The following BIRC6 variants were observed in gnomAD, a reference collection of about 807,000 sequenced individuals.
The protein encoded by BIRC6 is baculoviral IAP repeat containing 6, also known as dual E2 ubiquitin-conjugating enzyme/E3 ubiquitin-protein ligase BIRC6.
BIRC6 carries 98 observed loss-of-function variants against 503.3 expected under a neutral mutation model. The observed-to-expected ratio is 0.19, with a 90% CI of 0.17 to 0.23. The LOEUF is 0.23. BIRC6 is among the 10% of genes least tolerant of loss of function. The probability of loss-of-function intolerance (pLI) is 1.00; values close to 1 mark genes in which losing one functional copy is unlikely to be tolerated. For synonymous variants in BIRC6, 2,240 were observed against 2,078.7 expected, an observed-to-expected ratio of 1.08 and a Z score of -2.11; for missense variants, 5,360 against 5,806.0, an observed-to-expected ratio of 0.92 and a Z score of 2.50.
At chr2:32,370,591 A>G (rs1016878260) in intron 1 of BIRC6, among the ~76,000 whole-genome samples, 3 of 152,186 alleles carry the variant, frequency 2.0e-5, no homozygotes, top group East Asian at 1.9e-4. Flanking sequence ...TTTTAATACT[A>G]TAGTGTTACT....
At position 32,560,297 on chromosome 2, in the gene BIRC6, A is replaced by G. The variant is rs368394698; in HGVS notation, c.13144+10816A>G. 3.3e-5 allele frequency among the ~76,000 whole-genome samples: 5 copies of G among 152,108 alleles called. No individual in the cohort carries two copies. In the East Asian group the frequency reaches 7.7e-4, roughly 23 times the overall value. On this transcript the variant is annotated intron_variant, in intron 65 of 73. Coordinates refer to ENST00000421745, the MANE Select transcript of BIRC6 (RefSeq NM_016252.4). ...AAGATTTTTGTAAAATAAACACACA[A>G]TTTTATCTCTCACATTTTTTGGACT... is the stretch of plus-strand genomic sequence containing the variant.
intron 65 of BIRC6, among the ~76,000 whole-genome samples, chr2:32,555,225 G>C (rs1286411803): frequency 6.6e-6 from 1 of 152,084 alleles, no homozygotes; most frequent in Non-Finnish European, 1.5e-5. Flanking sequence ...TTAATAAAGA[G>C]TCTGGGAGCT....
At chr2:32,544,827 C>T (rs1559020945) in intron 62 of BIRC6, among the ~76,000 whole-genome samples, 2 of 151,758 alleles carry the variant, frequency 1.3e-5, no homozygotes, top group African/African-American at 4.8e-5. Flanking sequence ...CAGGTGTCAA[C>T]TGTATTTATT....
chr2:32,596,952 T>G (rs2151451383), intron 68 of BIRC6, among the ~76,000 whole-genome samples: 1 of 152,336 alleles, frequency 6.6e-6, no homozygotes, highest in East Asian at 1.9e-4. Flanking sequence ...TTCATTAATG[T>G]TAGCTAGCTA....
chr2:32,455,225 A>G (rs2047110916), intron 23 of BIRC6, among the ~76,000 whole-genome samples: 2 of 151,662 alleles, frequency 1.3e-5, no homozygotes, highest in South Asian at 4.2e-4. Context: ...AAAAAATACA[A>G]AAAAAATTAG....
chr2:32,443,894 C>T (rs1176021850), intron 20 of BIRC6, among the ~76,000 whole-genome samples: 1 of 152,118 alleles, frequency 6.6e-6, no homozygotes, highest in South Asian at 2.1e-4. Flanking sequence ...AGATCAGATG[C>T]CAGAAACCAG....
intron 11 of BIRC6, 113 bp from the exon 12 acceptor site, chr2:32,430,752 A>G: frequency 2.8e-6 from 2 of 726,590 alleles, no homozygotes. Context: ...AATATTTGGC[A>G]AGTGTTGCAA....
intron 70 of BIRC6, among the ~76,000 whole-genome samples, chr2:32,602,310 A>G (rs549744891): frequency 1.3e-5 from 2 of 152,356 alleles, no homozygotes; most frequent in South Asian, 4.1e-4. Flanking sequence ...GTGGGACATT[A>G]TGTTAAGTGA....
At chr2:32,502,029 A>G (rs2053253905) in intron 47 of BIRC6, 141 bp downstream of exon 47, 2 of 786,760 alleles carry the variant, frequency 2.5e-6, no homozygotes, top group Admixed American at 7.2e-5. Context: ...GCTGTGGATT[A>G]TTAATAAAAG....
chr2:32,453,752 C>A, intron 22 of BIRC6, 56 bp from the exon 23 acceptor site: 1 of 1,529,156 alleles, frequency 6.5e-7, no homozygotes, highest in Non-Finnish European at 9.0e-7. Context: ...ATTGTTGTGA[C>A]TATTGCTTTT....
intron 65 of BIRC6, among the ~76,000 whole-genome samples, chr2:32,562,050 AT>A (rs1431284790): frequency 6.6e-6 from 1 of 152,110 alleles, no homozygotes; most frequent in African/African-American, 2.4e-5. Flanking sequence ...TTAAAAAAAA[AT>A]AAAATTATTA....
At position 32,515,616 on chromosome 2, in the gene BIRC6, G is replaced by T; in HGVS notation, c.11195G>T (p.Gly3732Val). 1 of 1,613,412 alleles carries T rather than the reference G, an allele frequency of 6.2e-7. No homozygotes were observed. The highest frequency in any genetic ancestry group is 8.5e-7 in the Non-Finnish European group (1 of 1,179,870). ...TCCACTTCTGGAAGCCATAATTTAG[G>T]TGCACAACAGACCAGTGCAAGATCA... ...SGSTSGSHNL[G>V]AQQTSARSAS... Residue 3732 changes from glycine (G) to valine (V), a missense_variant, in exon 55 of 74, where the codon GGT (glycine) becomes GTT (valine). Coordinates refer to ENST00000421745, the MANE Select transcript of BIRC6 (RefSeq NM_016252.4).
intron 10 of BIRC6, among the ~76,000 whole-genome samples, chr2:32,417,539 A>G (rs911173770): frequency 6.6e-6 from 1 of 152,156 alleles, no homozygotes; most frequent in African/African-American, 2.4e-5. Context: ...AGTTCTATTG[A>G]TTGTCTAGCA....
intron 73 of BIRC6, among the ~76,000 whole-genome samples, chr2:32,614,375 A>G (rs1466158998): frequency 6.6e-6 from 1 of 152,186 alleles, no homozygotes; most frequent in Non-Finnish European, 1.5e-5. Context: ...CACTTACACA[A>G]AACTGGCTCA....
intron 4 of BIRC6, among the ~76,000 whole-genome samples, chr2:32,391,141 G>A (rs1343865613): frequency 6.6e-6 from 1 of 152,220 alleles, no homozygotes; most frequent in South Asian, 2.1e-4. Context: ...AACAGTTGCA[G>A]TGTTTCTAAA....
chr2:32,482,580 A>G lies in BIRC6; in HGVS notation c.7694A>G (p.Gln2565Arg), dbSNP rs2050525901. The change falls in exon 39 of 74, where the codon CAG (glutamine) becomes CGG (arginine). Residue 2565 changes from glutamine to arginine, a missense_variant and splice_region_variant. Physicochemically the swap from Gln to Arg is conservative, Grantham distance 43. This residue lies in a region of BIRC6 where 2,299 missense variants were observed against 2,267.2 expected (regional missense o/e 1.01). Coordinates refer to ENST00000421745, the MANE Select transcript of BIRC6 (RefSeq NM_016252.4). Reference protein sequence around the residue: ...GSQTVSVSVSQALDARLEVGL... With the variant: ...GSQTVSVSVSRALDARLEVGL... ...CAGACAGTTAGCGTTTCAGTCTCTC[A>G]GGGTAAGTGTATGTTTATATTTTAA... 1.2e-6 allele frequency: 2 copies of G among 1,613,754 alleles called. No individual in the cohort carries two copies. Among genetic ancestry groups the G allele is most frequent in the African/African-American group, 1.3e-5 (1 of 75,060 alleles).
At chr2:32,376,963 G>T (rs1054507300) in intron 1 of BIRC6, among the ~76,000 whole-genome samples, 4 of 152,126 alleles carry the variant, frequency 2.6e-5, no homozygotes, top group African/African-American at 9.7e-5. Context: ...TGCACAAAGT[G>T]AAACTGCAGA....
rs142161900 is a variant in BIRC6 at position 32,404,131 on chromosome 2, T to C, written c.1419-2368T>C. Among the ~76,000 whole-genome samples, 590 of 151,960 alleles carry C rather than the reference T, an allele frequency of 3.9e-3. 8 individuals are homozygous for C. Among genetic ancestry groups the C allele is most frequent in the African/African-American group, 0.013 (539 of 41,426 alleles). ...TTTTAGTAGAGAAAGGGTTTCTCCATGTTGGCCAGGCTGTTCTCGAACTCC... is the reference window on the plus strand; with the variant it reads ...TTTTAGTAGAGAAAGGGTTTCTCCACGTTGGCCAGGCTGTTCTCGAACTCC... On this transcript the variant is annotated intron_variant, in intron 8 of 73. Transcript: ENST00000421745.
chr2:32,536,679 A>T (rs1446572138), intron 61 of BIRC6, among the ~76,000 whole-genome samples: 1 of 152,190 alleles, frequency 6.6e-6, no homozygotes, highest in African/African-American at 2.4e-5. Flanking sequence ...CTGTTTTGGT[A>T]CCAGTACCAT....
Sources: gnomAD v4.1 joint callset for allele counts (sites outside exome capture counted in the v4.1 genomes callset) on GRCh38, gnomAD v4.1.1 for gene constraint, gnomAD v4.1.1 regional missense constraint, MANE v1.5 for transcripts, NCBI Gene and HGNC (gene_info 2026-07-23, HGNC 2026-07-21) for gene names.